Variants in GPSM3 observed in about 807,000 individuals in gnomAD.
GPSM3 encodes the protein G protein signaling modulator 3.
In GPSM3, 16 loss-of-function variants were observed where a neutral mutation model predicts 20.4. The ratio of observed to expected loss-of-function variants is 0.78; its 90% confidence interval spans 0.53 to 1.19. The LOEUF (loss-of-function observed/expected upper bound fraction) is 1.19. GPSM3 is among the 50% of genes most tolerant of loss of function. The pLI is 0.00. For synonymous variants in GPSM3, 70 were observed against 79.6 expected (o/e 0.88, Z 0.64); for missense variants, 177 against 204.6 (o/e 0.86, Z 0.82).
In GPSM3 at chr6:32,192,309, ACAGGG is replaced by A. The variant is rs1787590371; in HGVS notation, c.43-64_43-60del. On this transcript the variant is annotated intron_variant, in intron 1 of 3. Transcript: ENST00000375040. The surrounding 1 kb of genome is among the most constrained non-coding windows in gnomAD (Gnocchi z 5.1). ...GTGGTGGTTGAAGCGGGAGGAGTGG[ACAGGG>A]GGCTAGGCCAGTGGCCCGTTTCCTC... is the stretch of plus-strand genomic sequence containing the variant. 5.7e-6 allele frequency: 8 copies of A among 1,413,826 alleles called. No individual in the cohort carries two copies. Among genetic ancestry groups the A allele is most frequent in the Non-Finnish European group, 7.7e-6 (8 of 1,034,402 alleles). 87.6% of individuals were successfully genotyped at this position (1,413,826 alleles called of 1,614,324 possible). A position where few individuals can be genotyped will look rare whatever the true frequency, so the allele number is the denominator to read the frequency against.
rs377447021 is a variant in GPSM3, at chr6:32,191,947, G to A, written c.146-39C>T. 7.5e-5 allele frequency: 120 copies of A among 1,589,760 alleles called. No individual in the cohort carries two copies. In the African/African-American group the frequency reaches 1.1e-3, roughly 15 times the overall value. ...TGTGGAGGGCTCAGAGACCCAGAGA[G>A]GTTGGCAGACAGGAGCCGTGGGGGA... is the stretch of plus-strand genomic sequence containing the variant. On this transcript the variant is annotated intron_variant, in intron 2 of 3. Coordinates refer to ENST00000375040, the MANE Select transcript of GPSM3 (RefSeq NM_001276501.2). This position sits in a 1 kb window ranked among gnomAD's most constrained non-coding sequence, Gnocchi z 5.9.
chr6:32,192,650 G>A, upstream of GPSM3: 1 of 518,498 alleles, frequency 1.9e-6, no homozygotes, highest in Non-Finnish European at 3.4e-6. The surrounding 1 kb of genome is among the most constrained non-coding windows in gnomAD (Gnocchi z 5.1). Flanking sequence ...TACTGAGCAG[G>A]AAGCTGGGTT....
chr6:32,194,580 C>T (rs1191700357), upstream of GPSM3, among the ~76,000 whole-genome samples: 1 of 152,096 alleles, frequency 6.6e-6, no homozygotes, highest in East Asian at 1.9e-4. This position sits in a 1 kb window ranked among gnomAD's most constrained non-coding sequence, Gnocchi z 4.5. Flanking sequence ...TCCTAAGAGG[C>T]CATGGACCAG....
At position 32,191,965 on chromosome 6, in the gene GPSM3, G is replaced by C; in HGVS notation, c.146-57C>G. 6.7e-7 allele frequency: 1 copy of C among 1,499,234 alleles called. No individual in the cohort carries two copies. The highest frequency in any genetic ancestry group is 1.1e-5 in the South Asian group (1 of 88,022). 92.9% of individuals were successfully genotyped at this position (1,499,234 alleles called of 1,614,324 possible). A position where few individuals can be genotyped will look rare whatever the true frequency, so the allele number is the denominator to read the frequency against. On this transcript the variant is annotated intron_variant, in intron 2 of 3. Transcript: ENST00000375040. The surrounding 1 kb of genome is among the most constrained non-coding windows in gnomAD (Gnocchi z 5.9). The stretch of plus-strand genomic sequence containing the variant: ...CCAGAGAGGTTGGCAGACAGGAGCC[G>C]TGGGGGAGTGTGGACAGGGTGACGT...
At chr6:32,195,378 T>TA, upstream of GPSM3, 1 of 1,494,560 alleles carries the variant, frequency 6.7e-7, no homozygotes, top group Admixed American at 2.2e-5. The surrounding 1 kb of genome is among the most constrained non-coding windows in gnomAD (Gnocchi z 5.4). Context: ...CAGGAAGGCC[T>TA]TCCAGCCTGC....
Position 32,192,019 on chromosome 6 carries a change from G to A in GPSM3, c.146-111C>T. On this transcript the variant is annotated intron_variant, in intron 2 of 3. Transcript: ENST00000375040. The surrounding 1 kb of genome is among the most constrained non-coding windows in gnomAD (Gnocchi z 5.1). Reference sequence around the variant, plus strand: ...TAGGGACTTTGGATCAGAGGAGAGGGGGTGCAATGGGGAATCCCAAGGGGA... The same window carrying A: ...TAGGGACTTTGGATCAGAGGAGAGGAGGTGCAATGGGGAATCCCAAGGGGA... 7 of 1,236,786 alleles carry A rather than the reference G, an allele frequency of 5.7e-6. No homozygotes were observed. Among genetic ancestry groups the A allele is most frequent in the Non-Finnish European group, 8.1e-6 (7 of 864,034 alleles). 76.6% of individuals were successfully genotyped at this position (1,236,786 alleles called of 1,614,324 possible). A position where few individuals can be genotyped will look rare whatever the true frequency, so the allele number is the denominator to read the frequency against.
upstream of GPSM3, chr6:32,195,348 TG>T: frequency 1.6e-6 from 2 of 1,259,278 alleles, no homozygotes; most frequent in East Asian, 2.4e-5. The surrounding 1 kb of genome is among the most constrained non-coding windows in gnomAD (Gnocchi z 5.4). Flanking sequence ...CCCTTCATTT[TG>T]GGGGATCCAT....
rs1787532259 is a variant in GPSM3, at chr6:32,191,753, G to C, written c.301C>G (p.Leu101Val). 1 of 1,612,668 alleles carries C rather than the reference G, an allele frequency of 6.2e-7. No homozygotes were observed. Among genetic ancestry groups the C allele is most frequent in the Admixed American group, 1.7e-5 (1 of 59,994 alleles). ...CTGTAAAGCTGTTCTCTGTCCTCGA[G>C]AGGACGGAGTGGGGCAGGGGCTAGG... ...SSLAPAPLRP[L>V]EDREQLYSTI... The change falls in exon 3 of 4, where the codon CTC (leucine) becomes GTC (valine). Residue 101 changes from leucine (L) to valine (V), a missense_variant. Leu to Val is a conservative substitution (Grantham distance 32). Coordinates refer to ENST00000375040, the MANE Select transcript of GPSM3 (RefSeq NM_001276501.2). The surrounding 1 kb of genome is among the most constrained non-coding windows in gnomAD (Gnocchi z 5.9).
chr6:32,193,336 C>G (rs1352265801), upstream of GPSM3, among the ~76,000 whole-genome samples: 1 of 151,918 alleles, frequency 6.6e-6, no homozygotes, highest in Non-Finnish European at 1.5e-5. This position sits in a 1 kb window ranked among gnomAD's most constrained non-coding sequence, Gnocchi z 4.7. Flanking sequence ...CCCATCTTTA[C>G]TAAAATACAA....
chr6:32,194,571 C>A (rs1000931193), upstream of GPSM3, among the ~76,000 whole-genome samples: 7 of 152,072 alleles, frequency 4.6e-5, no homozygotes, highest in Non-Finnish European at 1.5e-5. The surrounding 1 kb of genome is among the most constrained non-coding windows in gnomAD (Gnocchi z 4.5). Flanking sequence ...TGGCCCAGTT[C>A]CTAAGAGGCC....
chr6:32,191,554 A>T lies in GPSM3; in HGVS notation c.346-51T>A. 6.6e-7 allele frequency: 1 copy of T among 1,518,208 alleles called. No individual in the cohort carries two copies. The highest frequency in any genetic ancestry group is 8.8e-7 in the Non-Finnish European group (1 of 1,133,476). The allele number at this position is 1,518,208 out of a possible 1,614,324, so 94.0% of individuals were successfully genotyped here. ...GCTTTGGTGAGGGTCTGAGAGGAGG[A>T]GGTTCTTGAGAGGATCAAGGGTTGG... is the stretch of plus-strand genomic sequence containing the variant. On this transcript the variant is annotated intron_variant, in intron 3 of 3. Coordinates refer to ENST00000375040, the MANE Select transcript of GPSM3 (RefSeq NM_001276501.2). This position sits in a 1 kb window ranked among gnomAD's most constrained non-coding sequence, Gnocchi z 5.9.
In GPSM3 at chr6:32,192,543, G is replaced by C. The variant is rs758474352; in HGVS notation, c.-30C>G. ...TAGAGGGGAGAAACTGGTGGGGGAG[G>C]GGTGGCTGGGATTTGGGAGGAGGGC... is the stretch of plus-strand genomic sequence containing the variant. On this transcript the variant is annotated 5_prime_UTR_variant, in exon 1 of 4. Transcript: ENST00000375040. The surrounding 1 kb of genome is among the most constrained non-coding windows in gnomAD (Gnocchi z 5.1). 3 of 1,565,100 alleles carry C rather than the reference G, an allele frequency of 1.9e-6. No homozygotes were observed. Among genetic ancestry groups the C allele is most frequent in the African/African-American group, 1.4e-5 (1 of 73,962 alleles).
At chr6:32,195,441 T>G, upstream of GPSM3, 1 of 1,587,294 alleles carries the variant, frequency 6.3e-7, no homozygotes, top group Non-Finnish European at 8.6e-7. This position sits in a 1 kb window ranked among gnomAD's most constrained non-coding sequence, Gnocchi z 5.4. Context: ...ATTCTTCTAT[T>G]TTTTACCCTC....
Position 32,191,645 on chromosome 6 carries a change from C to G in GPSM3, c.345+64G>C. ...GCCTAGGGAGAAACAGGAGTAGAGC[C>G]CCAAAGAGAACAGGGGCCAAGAGAC... is the stretch of plus-strand genomic sequence containing the variant. On this transcript the variant is annotated intron_variant, in intron 3 of 3. Transcript: ENST00000375040. This position sits in a 1 kb window ranked among gnomAD's most constrained non-coding sequence, Gnocchi z 5.9. 1 of 1,498,054 alleles carries G rather than the reference C, an allele frequency of 6.7e-7. No individual in the cohort carries two copies. The highest frequency in any genetic ancestry group is 9.0e-7 in the Non-Finnish European group (1 of 1,107,290). 92.8% of individuals were successfully genotyped at this position (1,498,054 alleles called of 1,614,324 possible). A position where few individuals can be genotyped will look rare whatever the true frequency, so the allele number is the denominator to read the frequency against.
At chr6:32,194,247 A>G (rs1362056134), upstream of GPSM3, 1 of 152,216 alleles carries the variant, frequency 6.6e-6, no homozygotes, top group Non-Finnish European at 1.5e-5. The surrounding 1 kb of genome is among the most constrained non-coding windows in gnomAD (Gnocchi z 4.5). Context: ...CTAAGTGGCC[A>G]TAAGTAAAAG....
upstream of GPSM3, chr6:32,195,078 T>C: frequency 3.5e-6 from 1 of 287,964 alleles, no homozygotes; most frequent in Non-Finnish European, 6.5e-6. The surrounding 1 kb of genome is among the most constrained non-coding windows in gnomAD (Gnocchi z 5.4). Flanking sequence ...GTGGGGACAA[T>C]GGATCATAGG....
chr6:32,191,510 G>A lies in GPSM3; in HGVS notation c.346-7C>T, dbSNP rs1787510954. The A allele has an allele frequency of 6.5e-7, 1 of 1,549,172 alleles. No individual in the cohort carries two copies. The highest frequency in any genetic ancestry group is 2.1e-5 in the Admixed American group (1 of 47,092). ...GGGCTTCCATCCGCTGGCACTGGAG[G>A]AGTGGAGGGAGAGGGAGAGCTTTGG... On this transcript the variant is annotated splice_region_variant and splice_polypyrimidine_tract_variant and intron_variant, in intron 3 of 3. Transcript: ENST00000375040. This position sits in a 1 kb window ranked among gnomAD's most constrained non-coding sequence, Gnocchi z 5.9.
chr6:32,191,016 G>A lies in GPSM3; in HGVS notation c.*350C>T. On this transcript the variant is annotated 3_prime_UTR_variant, in exon 4 of 4. Transcript: ENST00000375040. This position sits in a 1 kb window ranked among gnomAD's most constrained non-coding sequence, Gnocchi z 5.9. ...TATAACCTCTCAGGTGGAGGCCTGA[G>A]CCCTCAGACCCTACTGCCTAGTAGC... 4.4e-6 allele frequency: 1 copy of A among 229,458 alleles called. No homozygotes were observed. Among genetic ancestry groups the A allele is most frequent in the South Asian group, 1.2e-4 (1 of 8,428 alleles). The allele number at this position is 229,458 out of a possible 1,614,324, so 14.2% of individuals were successfully genotyped here.
At position 32,192,401 on chromosome 6, in the gene GPSM3, AT is replaced by A; in HGVS notation, c.42+70del. 1 of 1,506,182 alleles carries A rather than the reference AT, an allele frequency of 6.6e-7. No homozygotes were observed. The highest frequency in any genetic ancestry group is 9.0e-7 in the Non-Finnish European group (1 of 1,106,438). The allele number at this position is 1,506,182 out of a possible 1,614,324, so 93.3% of individuals were successfully genotyped here. On this transcript the variant is annotated intron_variant, in intron 1 of 3. Coordinates refer to ENST00000375040, the MANE Select transcript of GPSM3 (RefSeq NM_001276501.2). The surrounding 1 kb of genome is among the most constrained non-coding windows in gnomAD (Gnocchi z 5.1). ...CCTTTCAAGGCCCCTGTGTCCCTAC[AT>A]TTCTGCCCCAGGTCCTCTCACCTCC...
Sources: allele counts gnomAD v4.1 joint callset (sites outside exome capture counted in the v4.1 genomes callset), GRCh38; gene constraint gnomAD v4.1.1; non-coding constraint Gnocchi (gnomAD v3.1); transcripts MANE v1.5; gene names NCBI Gene and HGNC (gene_info 2026-07-23, HGNC 2026-07-21).